The following KRT12 variants were observed in gnomAD, a reference collection of about 807,000 sequenced individuals.
KRT12 encodes the protein keratin, type I cytoskeletal 12.
A neutral mutation model predicts 50.2 loss-of-function variants in KRT12; 43 were observed. The observed-to-expected ratio is 0.86, with a 90% CI of 0.67 to 1.11. KRT12 has a LOEUF of 1.11. Among genes scored for constraint, KRT12 ranks in the 50% least tolerant of loss-of-function variants. The pLI, the probability that KRT12 is intolerant of heterozygous loss-of-function variation, is 0.00. For synonymous variants in KRT12, 257 were observed against 253.6 expected, an observed-to-expected ratio of 1.01 and a Z score of -0.13; for missense variants, 588 against 625.6, an observed-to-expected ratio of 0.94 and a Z score of 0.64.
At position 40,861,709 on chromosome 17, in the gene KRT12, A is replaced by G. The variant is rs1906809118; in HGVS notation, c.1437T>C (p.Asn479=). 1.2e-6 allele frequency: 2 copies of G among 1,613,894 alleles called. No homozygotes were observed. The highest frequency in any genetic ancestry group is 1.7e-6 in the Non-Finnish European group (2 of 1,179,896). Residue 479 remains asparagine, a synonymous_variant, in exon 8 of 8, where the codon AAT becomes AAC. Coordinates refer to ENST00000251643, the MANE Select transcript of KRT12 (RefSeq NM_000223.4). ...KIKTVVQEMV[N]GEVVSSQVQE... ...GAACTTGAGATGAGACCACCTCACCATTCACCATCTCCTGCACAACTGTCT... is the reference window on the plus strand; with the variant it reads ...GAACTTGAGATGAGACCACCTCACCGTTCACCATCTCCTGCACAACTGTCT...
chr17:40,865,091 G>T, intron 2 of KRT12, 129 bp from the exon 3 acceptor site: 1 of 980,122 alleles, frequency 1.0e-6, no homozygotes, highest in Non-Finnish European at 1.6e-6. Context: ...AGTGTATGAT[G>T]CAGTTTTTGC....
chr17:40,862,900 C>T (rs917848209), intron 6 of KRT12, among the ~76,000 whole-genome samples: 3 of 152,106 alleles, frequency 2.0e-5, no homozygotes, highest in Non-Finnish European at 4.4e-5. Flanking sequence ...TGTTTCTGAC[C>T]GTGGTGCCTT....
At chr17:40,861,966 T>G (rs373353905) in intron 7 of KRT12, among the ~76,000 whole-genome samples, 2 of 152,236 alleles carry the variant, frequency 1.3e-5, no homozygotes, top group Non-Finnish European at 2.9e-5. Flanking sequence ...ATATGAAAAC[T>G]TTTTTTAAGA....
rs575831184 is a variant in KRT12, at chr17:40,863,324, G to T, written c.1115C>A (p.Ser372Tyr). The T allele has an allele frequency of 2.2e-5, 35 of 1,613,922 alleles. No individual in the cohort carries two copies. In the African/African-American group the frequency reaches 4.3e-4, roughly 20 times the overall value. The change falls in exon 6 of 8, where the codon TCC (serine) becomes TAC (tyrosine). Residue 372 changes from serine (S) to tyrosine (Y), a missense_variant. Transcript: ENST00000251643. The surrounding 1 kb of genome is among the most constrained non-coding windows in gnomAD (Gnocchi z 4.2). ...QLAMKKSLED[S>Y]LAEAEGDYCA... The stretch of plus-strand genomic sequence containing the variant: ...GTAATCGCCCTCGGCTTCGGCCAAG[G>T]AGTCCTCCAGGGATTTCTTCTGCAC...
At chr17:40,862,393 T>C (rs150925251) in intron 7 of KRT12, among the ~76,000 whole-genome samples, 172 bp downstream of exon 7, 5 of 152,218 alleles carry the variant, frequency 3.3e-5, no homozygotes, top group Admixed American at 2.6e-4. Flanking sequence ...TTTAATATGG[T>C]ATAGACTACT....
At position 40,861,376 on chromosome 17, in the gene KRT12, T is replaced by C. The variant is rs1274906107; in HGVS notation, c.*285A>G. On this transcript the variant is annotated 3_prime_UTR_variant, in exon 8 of 8. Coordinates refer to ENST00000251643, the MANE Select transcript of KRT12 (RefSeq NM_000223.4). ...TGATTAAAGCTCTATGATTAAAAAA[T>C]ATTCCGGGTTACCAGAAGAAAGTTC... 2.2e-6 allele frequency: 1 copy of C among 451,542 alleles called. No homozygotes were observed. Among genetic ancestry groups the C allele is most frequent in the Non-Finnish European group, 4.0e-6 (1 of 250,454 alleles). 28.0% of individuals were successfully genotyped at this position (451,542 alleles called of 1,614,324 possible).
At position 40,866,692 on chromosome 17, in the gene KRT12, T is replaced by C. The variant is rs759124353; in HGVS notation, c.495A>G (p.Gly165=). The stretch of plus-strand genomic sequence containing the variant: ...TCTGTGAAGCATCTGCAGTCCCAGT[T>C]CCTCGTGTTTCATACCATTCTCGAA... ...NKIREWYETR[G]TGTADASQSD... The change falls in exon 1 of 8, where the codon GGA becomes GGG. Residue 165 remains glycine, a synonymous_variant. Coordinates refer to ENST00000251643, the MANE Select transcript of KRT12 (RefSeq NM_000223.4). 1 of 1,614,222 alleles carries C rather than the reference T, an allele frequency of 6.2e-7. No homozygotes were observed. Among genetic ancestry groups the C allele is most frequent in the Non-Finnish European group, 8.5e-7 (1 of 1,180,028 alleles).
rs1906899060 is a variant in KRT12, at chr17:40,863,749, A to G, written c.923T>C (p.Ile308Thr). The change falls in exon 4 of 8, where the codon ATC becomes ACC. Residue 308 changes from isoleucine (I) to threonine (T), a missense_variant. Transcript: ENST00000251643. This position sits in a 1 kb window ranked among gnomAD's most constrained non-coding sequence, Gnocchi z 4.2. ...LNDMRAQYET[I>T]AEQNRKDAEA... ...AGCGTCCTTCCGATTCTGCTCAGCG[A>G]TGGTTTCATACTGCGCCCGCATATC... is the stretch of plus-strand genomic sequence containing the variant. 3 of 1,613,396 alleles carry G rather than the reference A, an allele frequency of 1.9e-6. No homozygotes were observed. The highest frequency in any genetic ancestry group is 1.1e-5 in the South Asian group (1 of 91,050).
Position 40,866,635 on chromosome 17 carries a change from T to C in KRT12, c.552A>G (p.Glu184=). 6.2e-7 allele frequency: 1 copy of C among 1,614,074 alleles called. No homozygotes were observed. The highest frequency in any genetic ancestry group is 1.7e-5 in the Admixed American group (1 of 60,010). ...SDYSKYYPLI[E]DLRNKIISAS... is the part of the protein sequence containing the mutation. ...GAGATCTTACCTTATTCCTGAGGTC[T>C]TCAATCAGTGGATAATATTTGCTGT... Residue 184 remains glutamate (E), a synonymous_variant, in exon 1 of 8, where the codon GAA becomes GAG. Coordinates refer to ENST00000251643, the MANE Select transcript of KRT12 (RefSeq NM_000223.4).
In KRT12 at chr17:40,864,854, G is replaced by T; in HGVS notation, c.759C>A (p.Ile253=). 1 of 1,614,158 alleles carries T rather than the reference G, an allele frequency of 6.2e-7. No individual in the cohort carries two copies. The highest frequency in any genetic ancestry group is 8.5e-7 in the Non-Finnish European group (1 of 1,180,026). ...TLTRTDLEMQ[I]ESLNEELAYM... is the part of the protein sequence containing the mutation. ...AGGCCAGCTCCTCGTTCAGGCTCTCGATCTGCATCTCCAGGTCGGTCCTGG... is the reference window on the plus strand; with the variant it reads ...AGGCCAGCTCCTCGTTCAGGCTCTCTATCTGCATCTCCAGGTCGGTCCTGG... The change falls in exon 3 of 8, where the codon ATC becomes ATA. Residue 253 remains isoleucine, a synonymous_variant. Coordinates refer to ENST00000251643, the MANE Select transcript of KRT12 (RefSeq NM_000223.4).
Position 40,866,866 on chromosome 17 carries a change from A to T in KRT12, c.321T>A (p.Gly107=), listed in dbSNP as rs1343325424. The T allele has an allele frequency of 1.2e-6, 2 of 1,614,062 alleles. No individual in the cohort carries two copies. The highest frequency in any genetic ancestry group is 1.3e-5 in the African/African-American group (1 of 75,002). ...LGMGFGGSPG[G]GSLGILSGND... ...TGCCCGAGAGAATACCTAGAGAGCC[A>T]CCTCCTGGGCTGCCCCCAAATCCCA... Residue 107 remains glycine, a synonymous_variant, in exon 1 of 8, where the codon GGT becomes GGA. Coordinates refer to ENST00000251643, the MANE Select transcript of KRT12 (RefSeq NM_000223.4).
Position 40,863,358 on chromosome 17 carries a change from G to C in KRT12, c.1096-15C>G. The C allele has an allele frequency of 1.9e-6, 3 of 1,613,564 alleles. No individual in the cohort carries two copies. Among genetic ancestry groups the C allele is most frequent in the Non-Finnish European group, 2.5e-6 (3 of 1,179,644 alleles). On this transcript the variant is annotated splice_polypyrimidine_tract_variant and intron_variant, in intron 5 of 7. Coordinates refer to ENST00000251643, the MANE Select transcript of KRT12 (RefSeq NM_000223.4). This position sits in a 1 kb window ranked among gnomAD's most constrained non-coding sequence, Gnocchi z 4.2. ...AGGGATTTCTTCTGCACGTGGGAGGGAAATGGCATAGAAATAACGATGGAG... is the reference window on the plus strand; with the variant it reads ...AGGGATTTCTTCTGCACGTGGGAGGCAAATGGCATAGAAATAACGATGGAG...
chr17:40,862,660 C>T, intron 6 of KRT12, 25 bp from the exon 7 acceptor site: 1 of 1,557,640 alleles, frequency 6.4e-7, no homozygotes, highest in Non-Finnish European at 8.9e-7. Context: ...AGGAGATGAC[C>T]TCAAAAAGTG....
Position 40,861,756 on chromosome 17 carries a change from G to A in KRT12, c.1390C>T (p.Pro464Ser). The change falls in exon 8 of 8, where the codon CCA (proline) becomes TCA (serine). Residue 464 changes from proline (P) to serine (S), a missense_variant and splice_region_variant. Transcript: ENST00000251643. ...QAQSTDSSKD[P>S]TKTRKIKTVV... ...GTCTTGATTTTTCGGGTTTTGGTTG[G>A]GTCTAAAGATAAAAATGGAATAAGG... 1.2e-6 allele frequency: 2 copies of A among 1,607,438 alleles called. No individual in the cohort carries two copies. Among genetic ancestry groups the A allele is most frequent in the Non-Finnish European group, 1.7e-6 (2 of 1,173,982 alleles).
intron 6 of KRT12, 28 bp from the exon 7 acceptor site, chr17:40,862,663 A>C: frequency 6.6e-7 from 1 of 1,521,088 alleles, no homozygotes; most frequent in African/African-American, 1.4e-5. Context: ...AGATGACCTC[A>C]AAAAGTGAAA....
Position 40,866,974 on chromosome 17 carries a change from AC to A in KRT12, c.212del (p.Gly71ValfsTer40). The stretch of plus-strand genomic sequence containing the variant: ...CTCCTGCCATGGAACTTCCGGAGCC[AC>A]CCCCAAAGCCGGAACTAGAACCAAA... The part of the protein sequence containing the change: ...SMFGSSSGFG[G>X]GSGSSMAGGL... On this transcript the variant is annotated frameshift_variant, in exon 1 of 8. Transcript: ENST00000251643. LOFTEE classifies it high-confidence loss of function. 2 of 1,597,686 alleles carry A rather than the reference AC, an allele frequency of 1.3e-6. No individual in the cohort carries two copies. The highest frequency in any genetic ancestry group is 1.1e-5 in the South Asian group (1 of 88,604).
intron 1 of KRT12, 148 bp from the exon 2 acceptor site, chr17:40,866,385 T>A: frequency 1.3e-6 from 1 of 745,228 alleles, no homozygotes; most frequent in Non-Finnish European, 2.3e-6. Context: ...AGACAATATC[T>A]GTATAAAATA....
chr17:40,864,893 G>C lies in KRT12; in HGVS notation c.720C>G (p.Asp240Glu). 1.2e-6 allele frequency: 2 copies of C among 1,614,210 alleles called. No individual in the cohort carries two copies. Among genetic ancestry groups the C allele is most frequent in the Middle Eastern group, 1.6e-4 (1 of 6,062 alleles). ...ADINGLRRVL[D>E]ELTLTRTDLE... The stretch of plus-strand genomic sequence containing the variant: ...GGTCGGTCCTGGTCAGGGTCAGCTC[G>C]TCCAGCACCCGGCGCAGGCCATTGA... Residue 240 changes from aspartate to glutamate, a missense_variant, in exon 3 of 8, where the codon GAC becomes GAG. Asp to Glu is a conservative substitution (Grantham distance 45). Transcript: ENST00000251643.
At position 40,863,393 on chromosome 17, in the gene KRT12, A is replaced by G. The variant is rs1906880176; in HGVS notation, c.1096-50T>C. On this transcript the variant is annotated intron_variant, in intron 5 of 7. Transcript: ENST00000251643. This position sits in a 1 kb window ranked among gnomAD's most constrained non-coding sequence, Gnocchi z 4.2. ...AGAAATAACGATGGAGGGGACCGAA[A>G]AGAGGAGGGTAGCCAACGGCTAATG... 6 of 1,613,358 alleles carry G rather than the reference A, an allele frequency of 3.7e-6. No homozygotes were observed. The South Asian group carries it at 4.4e-5, about 12-fold the overall frequency.
Sources: gnomAD v4.1 joint callset for allele counts (sites outside exome capture counted in the v4.1 genomes callset) on GRCh38, gnomAD v4.1.1 for gene constraint, Gnocchi (gnomAD v3.1) non-coding constraint, MANE v1.5 for transcripts, NCBI Gene and HGNC (gene_info 2026-07-23, HGNC 2026-07-21) for gene names.